The following TECPR1 variants were observed in gnomAD, a reference collection of about 807,000 sequenced individuals.
TECPR1 encodes the protein tectonin beta-propeller repeat containing 1, also known as tectonin beta-propeller repeat-containing protein 1.
Under a neutral mutation model 162.4 loss-of-function variants are expected in TECPR1, and 122 were observed. The observed-to-expected ratio is 0.75, with a 90% CI of 0.65 to 0.87. The LOEUF (loss-of-function observed/expected upper bound fraction) is 0.87. Ranked by LOEUF, TECPR1 falls within the 40% of genes least tolerant of loss-of-function variation. The probability of loss-of-function intolerance (pLI) is 0.00; values close to 1 mark genes in which losing one functional copy is unlikely to be tolerated. For synonymous variants in TECPR1, 642 were observed against 670.6 expected (o/e 0.96, Z 0.66); for missense variants, 1,432 against 1,618.2 (o/e 0.88, Z 1.97).
chr7:98,236,083 C>T (rs1451411950), intron 10 of TECPR1, among the ~76,000 whole-genome samples: 2 of 152,166 alleles, frequency 1.3e-5, no homozygotes, highest in African/African-American at 2.4e-5. Context: ...TGTGGACACG[C>T]CCGCTGCAGA....
chr7:98,223,191 A>G, intron 20 of TECPR1, 21 bp from the exon 21 acceptor site: 1 of 1,573,184 alleles, frequency 6.4e-7, no homozygotes, highest in East Asian at 2.3e-5. Context: ...GAGAGGGGAC[A>G]CAGCCCAGGG....
chr7:98,233,267 G>A (rs1236026842), intron 11 of TECPR1, 154 bp downstream of exon 11: 5 of 1,091,190 alleles, frequency 4.6e-6, no homozygotes, highest in Admixed American at 3.5e-5. Context: ...CCACAGAGGA[G>A]CGCAATGCCT....
rs1170467119 is a variant in TECPR1 at position 98,233,730 on chromosome 7, C to T, written c.1363G>A (p.Glu455Lys). 3 of 1,612,502 alleles carry T rather than the reference C, an allele frequency of 1.9e-6. No homozygotes were observed. The highest frequency in any genetic ancestry group is 2.5e-6 in the Non-Finnish European group (3 of 1,179,714). ...ASGLGAGRTA[E>K]DTVEDACPAE... ...GGGCAGGCATCTTCCACGGTATCTT[C>T]TGCGGTCCTGCCAGCCCCCAGGCCT... Residue 455 changes from glutamate to lysine, a missense_variant, in exon 11 of 26, where the codon GAA becomes AAA. Transcript: ENST00000447648.
chr7:98,221,838 C>T lies in TECPR1; in HGVS notation c.3065-85G>A, dbSNP rs1057110109. Reference sequence around the variant, plus strand: ...GGCTGTGGGCCTCGGTCCCCAGCTGCCTCTCGGATGTGTAGCCTGGTGTCA... The same window carrying T: ...GGCTGTGGGCCTCGGTCCCCAGCTGTCTCTCGGATGTGTAGCCTGGTGTCA... On this transcript the variant is annotated intron_variant, in intron 22 of 25. Transcript: ENST00000447648. The T allele has an allele frequency of 2.8e-6, 3 of 1,059,870 alleles. No homozygotes were observed. In the African/African-American group the frequency reaches 4.8e-5, roughly 17 times the overall value. 65.7% of individuals were successfully genotyped at this position (1,059,870 alleles called of 1,614,324 possible). A position where few individuals can be genotyped will look rare whatever the true frequency, so the allele number is the denominator to read the frequency against.
rs1331186918 is a variant in TECPR1, at chr7:98,229,278, C to T, written c.2283-112G>A. ...GTGGTTCTGGGATTTTCCCAGCCCT[C>T]GGTCTCCAAGCACAGACCATCCACC... On this transcript the variant is annotated intron_variant, in intron 15 of 25. Coordinates refer to ENST00000447648, the MANE Select transcript of TECPR1 (RefSeq NM_015395.3). 8 of 1,403,002 alleles carry T rather than the reference C, an allele frequency of 5.7e-6. No homozygotes were observed. The Admixed American group carries it at 6.8e-5, about 12-fold the overall frequency. 86.9% of individuals were successfully genotyped at this position (1,403,002 alleles called of 1,614,324 possible).
At chr7:98,234,599 G>C (rs757856475) in intron 10 of TECPR1, among the ~76,000 whole-genome samples, 7 of 151,880 alleles carry the variant, frequency 4.6e-5, no homozygotes, top group Non-Finnish European at 8.8e-5. Context: ...TTCATGTCTT[G>C]AGGAATTGCT....
At chr7:98,233,033 C>A in intron 11 of TECPR1, 61 bp from the exon 12 acceptor site, 1 of 1,512,406 alleles carries the variant, frequency 6.6e-7, no homozygotes, top group African/African-American at 1.4e-5. Flanking sequence ...GGGCAGGAAG[C>A]CACGGCGCTC....
chr7:98,227,157 GC>G (rs1386845000), intron 17 of TECPR1, among the ~76,000 whole-genome samples: 1 of 152,028 alleles, frequency 6.6e-6, no homozygotes, highest in Non-Finnish European at 1.5e-5. Context: ...ACTTTGGGAG[GC>G]CGAGGCAGGC....
chr7:98,250,456 C>T (rs1799036101), intron 2 of TECPR1, among the ~76,000 whole-genome samples: 1 of 151,688 alleles, frequency 6.6e-6, no homozygotes, highest in Non-Finnish European at 1.5e-5. Context: ...AGGGAGACCC[C>T]ATCTCTGTAA....
At chr7:98,236,050 G>A (rs146300257) in intron 10 of TECPR1, among the ~76,000 whole-genome samples, 16 of 152,196 alleles carry the variant, frequency 1.1e-4, no homozygotes, top group African/African-American at 3.4e-4. Context: ...GGCCCTGAGC[G>A]CCATCTCCAT....
chr7:98,215,380 C>T lies in TECPR1; in HGVS notation c.*2010G>A, dbSNP rs544969271. On this transcript the variant is annotated 3_prime_UTR_variant, in exon 26 of 26. Transcript: ENST00000447648. ...TTGGCTCTTATTTTTTCTAATGGCC[C>T]TTTCAAAGTATTCATGAAATTGATG... 1.2e-4 allele frequency: 19 copies of T among 152,336 alleles called. No homozygotes were observed. The East Asian group carries it at 3.7e-3, about 29-fold the overall frequency. 9.4% of individuals were successfully genotyped at this position (152,336 alleles called of 1,614,324 possible). A position where few individuals can be genotyped will look rare whatever the true frequency, so the allele number is the denominator to read the frequency against.
At position 98,217,717 on chromosome 7, in the gene TECPR1, C is replaced by T. The variant is rs1724455365; in HGVS notation, c.3359G>A (p.Gly1120Asp). Residue 1120 changes from glycine (G) to aspartate (D), a missense_variant, in exon 25 of 26, where the codon GGC (glycine) becomes GAC (aspartate). Gly to Asp is a moderately conservative substitution (Grantham distance 94). Coordinates refer to ENST00000447648, the MANE Select transcript of TECPR1 (RefSeq NM_015395.3). ...RTGVQPHEPK[G>D]HGWDYGIGGG... The stretch of plus-strand genomic sequence containing the variant: ...CCCGATGCCGTAGTCCCAGCCGTGG[C>T]CCTTGGGCTCGTGAGGCTGCACGCC... 1 of 1,548,832 alleles carries T rather than the reference C, an allele frequency of 6.5e-7. No individual in the cohort carries two copies. Among genetic ancestry groups the T allele is most frequent in the Non-Finnish European group, 8.7e-7 (1 of 1,146,178 alleles).
Position 98,233,804 on chromosome 7 carries a change from G to T in TECPR1, c.1289C>A (p.Pro430His). 1 of 1,608,314 alleles carries T rather than the reference G, an allele frequency of 6.2e-7. No homozygotes were observed. Among genetic ancestry groups the T allele is most frequent in the South Asian group, 1.1e-5 (1 of 90,234 alleles). The change falls in exon 11 of 26, where the codon CCT (proline) becomes CAT (histidine). Residue 430 changes from proline (P) to histidine (H), a missense_variant. By Grantham distance (77) the Pro-to-His change is moderately conservative (BLOSUM62 -2). Transcript: ENST00000447648. ...CTTGGAATCGTCTAGAGGTTCTGCA[G>T]GGAGAATCTGGCCAGGCCCTGGTCT... ...VERPGPGQIL[P>H]AEPLDDSKNA...
Position 98,244,940 on chromosome 7 carries a change from C to T in TECPR1, c.353G>A (p.Trp118Ter), listed in dbSNP as rs750491186. Residue 118 changes from tryptophan to a stop codon, truncating the protein, a stop_gained, in exon 4 of 26, where the codon TGG becomes TAG. Transcript: ENST00000447648. LOFTEE classifies it high-confidence loss of function. ...CTCATCCACGTACCAGTCAGACTCC[C>T]ACTCCCAGTGCGGCGAGGGCAGTGC... ...RVALPSPHWE[W>*]ESDWYVDENF... The T allele has an allele frequency of 2.5e-6, 4 of 1,613,056 alleles. No homozygotes were observed. The highest frequency in any genetic ancestry group is 3.4e-6 in the Non-Finnish European group (4 of 1,179,862).
intron 10 of TECPR1, among the ~76,000 whole-genome samples, chr7:98,235,849 A>AAAAAAAAAAAAAAAAAAAAACAC: frequency 6.3e-5 from 7 of 110,334 alleles, no homozygotes; most frequent in African/African-American, 2.2e-4. Flanking sequence ...AAAAAAAAAA[A>AAAAAAAAAAAAAAAAAAAAACAC]AACACCATCT....
intron 17 of TECPR1, among the ~76,000 whole-genome samples, chr7:98,227,526 G>A (rs1393272874): frequency 6.6e-6 from 1 of 151,422 alleles, no homozygotes; most frequent in Non-Finnish European, 1.5e-5. Context: ...TGTCAATACA[G>A]TTAGAGACTT....
chr7:98,221,858 G>A, intron 22 of TECPR1, 105 bp from the exon 23 acceptor site: 1 of 819,700 alleles, frequency 1.2e-6, no homozygotes, highest in Non-Finnish European at 2.0e-6. Flanking sequence ...GTGTAGCCTG[G>A]TGTCAGCTGT....
intron 13 of TECPR1, 68 bp from the exon 14 acceptor site, chr7:98,231,441 A>T: frequency 6.7e-7 from 1 of 1,499,756 alleles, no homozygotes; most frequent in Non-Finnish European, 9.0e-7. Context: ...GGTGACCCCC[A>T]CTGTGCTTCA....
At chr7:98,244,453 T>C in intron 5 of TECPR1, 118 bp downstream of exon 5, 3 of 1,361,968 alleles carry the variant, frequency 2.2e-6, no homozygotes, top group Middle Eastern at 4.0e-4. Flanking sequence ...AAAGGCCAGG[T>C]CCCGAGGTGG....
Sources: gnomAD v4.1 joint callset for allele counts (sites outside exome capture counted in the v4.1 genomes callset) on GRCh38, gnomAD v4.1.1 for gene constraint, MANE v1.5 for transcripts, NCBI Gene and HGNC (gene_info 2026-07-23, HGNC 2026-07-21) for gene names.